PICALM: variants seen among roughly 807,000 people sequenced by gnomAD.
The protein encoded by PICALM is phosphatidylinositol binding clathrin assembly protein, also known as phosphatidylinositol-binding clathrin assembly protein.
In PICALM, 40 loss-of-function variants were observed where a neutral mutation model predicts 80.5. The observed-to-expected ratio is 0.50, with a 90% CI of 0.39 to 0.65. The LOEUF (loss-of-function observed/expected upper bound fraction) is 0.65. Ranked by LOEUF, PICALM falls within the 30% of genes least tolerant of loss-of-function variation. The pLI is 0.00. For synonymous variants in PICALM, 288 were observed against 260.3 expected (o/e 1.11, Z -1.02); for missense variants, 676 against 778.9 (o/e 0.87, Z 1.57).
chr11:85,976,621 A>C lies in PICALM; in HGVS notation c.1839+2T>G, dbSNP rs748692300. 4.5e-6 allele frequency: 7 copies of C among 1,571,346 alleles called. No individual in the cohort carries two copies. On this transcript the variant is annotated splice_donor_variant, in intron 18 of 19. Coordinates refer to ENST00000393346, the MANE Select transcript of PICALM (RefSeq NM_007166.4). LOFTEE classifies it high-confidence loss of function. ...AAAAGCTGTACCTAGGAAAATACTT[A>C]CAATTCCATATCCTATCATGCCTGT...
At chr11:86,016,720 A>G (rs2095486019) in intron 4 of PICALM, among the ~76,000 whole-genome samples, 1 of 152,218 alleles carries the variant, frequency 6.6e-6, no homozygotes, top group Non-Finnish European at 1.5e-5. Flanking sequence ...CCTCAAATGA[A>G]TACTCAACAT....
chr11:85,959,157 A>G, intron 19 of PICALM, 97 bp from the exon 20 acceptor site: 1 of 727,152 alleles, frequency 1.4e-6, no homozygotes, highest in Non-Finnish European at 2.3e-6. Context: ...ACTGGCCCAG[A>G]AGTGTTCACA....
chr11:85,965,807 GTTT>G (rs142410273), intron 19 of PICALM, among the ~76,000 whole-genome samples: 1 of 79,256 alleles, frequency 1.3e-5, no homozygotes, highest in Non-Finnish European at 2.3e-5. Context: ...TACCCATTTT[GTTT>G]TTTTGTTTTT....
At chr11:85,970,009 C>G (rs1010479251) in intron 19 of PICALM, among the ~76,000 whole-genome samples, 3 of 152,104 alleles carry the variant, frequency 2.0e-5, no homozygotes, top group Admixed American at 6.5e-5. Flanking sequence ...TAAGGAGGGG[C>G]AGAGTAAGTT....
chr11:86,008,796 G>C (rs78437520), intron 7 of PICALM, among the ~76,000 whole-genome samples: 3,950 of 151,938 alleles, frequency 0.026, 177 homozygotes, highest in African/African-American at 0.091. Context: ...AATATTTTAA[G>C]GTAAGGGACT....
At chr11:86,012,635 C>G (rs2095417801) in intron 5 of PICALM, among the ~76,000 whole-genome samples, 1 of 152,018 alleles carries the variant, frequency 6.6e-6, no homozygotes, top group Non-Finnish European at 1.5e-5. Context: ...TAAAAGAATA[C>G]TGGAAATATT....
intron 12 of PICALM, among the ~76,000 whole-genome samples, chr11:85,990,890 T>G (rs796966033): frequency 6.6e-5 from 10 of 151,930 alleles, no homozygotes; most frequent in African/African-American, 2.2e-4. Flanking sequence ...AGATTCAAAA[T>G]AAAAAATAAA....
chr11:86,021,888 GCT>G (rs2095570122), intron 4 of PICALM, among the ~76,000 whole-genome samples: 1 of 152,196 alleles, frequency 6.6e-6, no homozygotes, highest in African/African-American at 2.4e-5. Context: ...TAACATGGAT[GCT>G]ATAACTTGGA....
intron 1 of PICALM, among the ~76,000 whole-genome samples, chr11:86,064,631 G>C: frequency 7.4e-6 from 1 of 134,848 alleles, no homozygotes; most frequent in Non-Finnish European, 1.6e-5. Context: ...CTGGGCAACA[G>C]AGTAAGACCC....
chr11:86,038,217 G>A (rs550790289), intron 1 of PICALM, among the ~76,000 whole-genome samples: 2 of 152,220 alleles, frequency 1.3e-5, no homozygotes, highest in Admixed American at 1.3e-4. Flanking sequence ...CTACTTGGGA[G>A]GCTGACACAG....
At chr11:85,989,413 C>T (rs1348641753) in intron 13 of PICALM, among the ~76,000 whole-genome samples, 1 of 152,118 alleles carries the variant, frequency 6.6e-6, no homozygotes, top group Non-Finnish European at 1.5e-5. Context: ...TGAGGGTATA[C>T]TGATGACTTT....
intron 12 of PICALM, 95 bp from the exon 13 acceptor site, chr11:85,990,494 C>CAA: frequency 8.0e-6 from 5 of 623,636 alleles, no homozygotes; most frequent in Non-Finnish European, 1.2e-5. Flanking sequence ...AAAGTAGTAA[C>CAA]TATATTATTG....
chr11:86,023,893 T>A (rs617836), intron 3 of PICALM, among the ~76,000 whole-genome samples: 90,298 of 151,934 alleles, frequency 0.59, 27,024 homozygotes, highest in East Asian at 0.67. Context: ...TTTGGGAGGC[T>A]TAGGAGGATC....
chr11:86,031,762 T>A (rs563790232), intron 1 of PICALM, 151 bp from the exon 2 acceptor site: 1 of 591,518 alleles, frequency 1.7e-6, no homozygotes, highest in African/African-American at 1.9e-5. Flanking sequence ...ATTAGAGCAA[T>A]TGAGACTACC....
chr11:85,960,717 A>C, intron 19 of PICALM: 3 of 1,320,182 alleles, frequency 2.3e-6, no homozygotes, highest in Non-Finnish European at 3.0e-6. Context: ...AGCTCTGCAA[A>C]GGGGTCCTTT....
At chr11:85,988,531 A>G (rs1363529046) in intron 13 of PICALM, among the ~76,000 whole-genome samples, 1 of 152,202 alleles carries the variant, frequency 6.6e-6, no homozygotes, top group Non-Finnish European at 1.5e-5. Flanking sequence ...AAGTATTAGG[A>G]CAAACTTAAG....
At chr11:86,057,431 C>G (rs916810012) in intron 1 of PICALM, among the ~76,000 whole-genome samples, 1 of 152,022 alleles carries the variant, frequency 6.6e-6, no homozygotes, top group Non-Finnish European at 1.5e-5. Context: ...CCCAGCTACC[C>G]GGGAGGCTGA....
chr11:86,045,236 G>C (rs1237221218), intron 1 of PICALM, among the ~76,000 whole-genome samples: 1 of 151,950 alleles, frequency 6.6e-6, no homozygotes, highest in East Asian at 1.9e-4. Flanking sequence ...ACGCCTTTAA[G>C]TTTCTACAAG....
At chr11:85,964,575 T>C (rs755415640) in intron 19 of PICALM, among the ~76,000 whole-genome samples, 2 of 152,218 alleles carry the variant, frequency 1.3e-5, no homozygotes, top group African/African-American at 2.4e-5. Flanking sequence ...CAAATATTCT[T>C]AGTTCCATCT....
Sources: allele counts gnomAD v4.1 joint callset (sites outside exome capture counted in the v4.1 genomes callset), GRCh38; gene constraint gnomAD v4.1.1; transcripts MANE v1.5; gene names NCBI Gene and HGNC (gene_info 2026-07-23, HGNC 2026-07-21).